NALCN: variants seen among roughly 807,000 people sequenced by gnomAD.
NALCN encodes the protein sodium leak channel, non-selective.
NALCN carries 111 observed loss-of-function variants against 225.3 expected under a neutral mutation model. The observed-to-expected ratio is 0.49, with a 90% CI of 0.42 to 0.58. The LOEUF is 0.58. Among genes scored for constraint, NALCN ranks in the 20% least tolerant of loss-of-function variants. The pLI is 0.00. For missense variants in NALCN, 1,378 were observed against 2,202.4 expected, an observed-to-expected ratio of 0.63 and a Z score of 7.49; for synonymous variants, 764 against 769.0, an observed-to-expected ratio of 0.99 and a Z score of 0.11.
intron 15 of NALCN, among the ~76,000 whole-genome samples, chr13:101,161,943 C>T (rs2038205791): frequency 6.6e-6 from 1 of 152,126 alleles, no homozygotes; most frequent in Admixed American, 6.6e-5. Flanking sequence ...ATGGTTCATG[C>T]CCTGCTGACT....
chr13:101,104,791 T>C lies in NALCN; in HGVS notation c.2636+103A>G. On this transcript the variant is annotated intron_variant, in intron 23 of 43. Coordinates refer to ENST00000251127, the MANE Select transcript of NALCN (RefSeq NM_052867.4). The surrounding 1 kb of genome is among the most constrained non-coding windows in gnomAD (Gnocchi z 4.2). ...TCCCCAATCATCTATTTCATAGCAC[T>C]ATATAGCAAGAAAATAAAAGAGAAT... The C allele has an allele frequency of 1.3e-6, 2 of 1,551,276 alleles. No individual in the cohort carries two copies. Among genetic ancestry groups the C allele is most frequent in the Non-Finnish European group, 1.8e-6 (2 of 1,128,934 alleles).
At chr13:101,148,659 C>A (rs1178004460) in intron 15 of NALCN, among the ~76,000 whole-genome samples, 6 of 152,178 alleles carry the variant, frequency 3.9e-5, no homozygotes, top group Non-Finnish European at 8.8e-5. Context: ...CAGGGCTCTG[C>A]TCATTATTCC....
chr13:101,176,750 T>C (rs2038974560), intron 14 of NALCN, among the ~76,000 whole-genome samples: 1 of 152,196 alleles, frequency 6.6e-6, no homozygotes, highest in African/African-American at 2.4e-5. Flanking sequence ...AATAAGGAAA[T>C]ATTAGAAATA....
chr13:101,355,617 A>G (rs148675351), intron 6 of NALCN, among the ~76,000 whole-genome samples: 8 of 152,264 alleles, frequency 5.3e-5, no homozygotes, highest in Admixed American at 5.2e-4. Context: ...TTAACACCCC[A>G]CTGTCAATAT....
intron 15 of NALCN, among the ~76,000 whole-genome samples, chr13:101,150,550 G>A (rs2037597149): frequency 6.6e-6 from 1 of 152,180 alleles, no homozygotes; most frequent in African/African-American, 2.4e-5. Context: ...GACAGGGTGT[G>A]TGTTGGTGGT....
intron 7 of NALCN, among the ~76,000 whole-genome samples, chr13:101,295,717 C>T (rs1046070541): frequency 2.0e-5 from 3 of 152,098 alleles, no homozygotes; most frequent in South Asian, 2.1e-4. Flanking sequence ...AAGACGCTGA[C>T]GATGGAAAGA....
chr13:101,274,807 T>C (rs1176863739), intron 10 of NALCN, among the ~76,000 whole-genome samples: 1 of 152,116 alleles, frequency 6.6e-6, no homozygotes, highest in Non-Finnish European at 1.5e-5. Context: ...AATAAACTTC[T>C]CAAGTCCTAT....
chr13:101,156,807 G>A (rs377414336), intron 15 of NALCN, among the ~76,000 whole-genome samples: 12 of 152,108 alleles, frequency 7.9e-5, no homozygotes, highest in Non-Finnish European at 1.5e-4. Flanking sequence ...TGGAAAATAC[G>A]TACTTTGGAA....
intron 11 of NALCN, among the ~76,000 whole-genome samples, chr13:101,257,909 A>T (rs2042292530): frequency 6.6e-6 from 1 of 152,208 alleles, no homozygotes; most frequent in Admixed American, 6.5e-5. Flanking sequence ...CCAAAACTGT[A>T]ATATGATATG....
chr13:101,310,755 A>G (rs2044313781), intron 7 of NALCN, among the ~76,000 whole-genome samples: 1 of 152,294 alleles, frequency 6.6e-6, no homozygotes, highest in African/African-American at 2.4e-5. Flanking sequence ...ACTATTTTTG[A>G]ATATTGAATG....
At chr13:101,064,431 G>T (rs2032202127) in intron 40 of NALCN, among the ~76,000 whole-genome samples, 1 of 152,164 alleles carries the variant, frequency 6.6e-6, no homozygotes, top group Non-Finnish European at 1.5e-5. Context: ...CAGAACGTAA[G>T]GTTATTTGGA....
At chr13:101,148,404 C>T (rs1272960889) in intron 15 of NALCN, among the ~76,000 whole-genome samples, 1 of 152,122 alleles carries the variant, frequency 6.6e-6, no homozygotes, top group Non-Finnish European at 1.5e-5. Flanking sequence ...AATCTGAATC[C>T]CCCTCTCCTT....
At chr13:101,219,766 G>A (rs1238376446) in intron 13 of NALCN, among the ~76,000 whole-genome samples, 1 of 152,122 alleles carries the variant, frequency 6.6e-6, no homozygotes, top group Non-Finnish European at 1.5e-5. Context: ...ACACTTTCTA[G>A]TGTGTTTGCT....
chr13:101,312,791 A>C lies in NALCN; in HGVS notation c.800-20425T>G, dbSNP rs2044396978. Among the ~76,000 whole-genome samples, 5 of 152,158 alleles carry C rather than the reference A, an allele frequency of 3.3e-5. No individual in the cohort carries two copies. In the South Asian group the frequency reaches 1.0e-3, roughly 32 times the overall value. On this transcript the variant is annotated intron_variant, in intron 7 of 43. Transcript: ENST00000251127. ...GTGCTTTACTTCCAACTATGTGGTC[A>C]AGCTACCAATGACTTTCTTCACAGA...
chr13:101,377,842 A>C (rs957923080), intron 4 of NALCN, among the ~76,000 whole-genome samples: 6 of 151,864 alleles, frequency 4.0e-5, no homozygotes, highest in African/African-American at 1.4e-4. Flanking sequence ...GATCAAATCA[A>C]ATCAATAGAA....
intron 12 of NALCN, among the ~76,000 whole-genome samples, chr13:101,231,680 TAA>T (rs1028152862): frequency 2.0e-5 from 3 of 152,222 alleles, no homozygotes; most frequent in Non-Finnish European, 4.4e-5. Context: ...TTGATGTCAA[TAA>T]GAGATTGAGT....
At chr13:101,369,005 CA>C (rs1396758351) in intron 6 of NALCN, 9 of 361,888 alleles carry the variant, frequency 2.5e-5, no homozygotes, top group South Asian at 6.4e-5. Flanking sequence ...GAGTCTGTCT[CA>C]AAAAAACAAC....
At position 101,258,461 on chromosome 13, in the gene NALCN, G is replaced by A. The variant is rs767226604; in HGVS notation, c.1248C>T (p.Asp416=). Reference sequence around the variant, plus strand: ...TGCTTACCTCCGCCAGGTAGAACTCGTCGTACTGCCTCCTGAAGTTTTCTC... The same window carrying A: ...TGCTTACCTCCGCCAGGTAGAACTCATCGTACTGCCTCCTGAAGTTTTCTC... ...YKGENFRRQY[D]EFYLAEVAFT... is the part of the protein sequence containing the mutation. The change falls in exon 11 of 44, where the codon GAC becomes GAT. Residue 416 remains aspartate (D), a synonymous_variant. Transcript: ENST00000251127. 24 of 1,613,986 alleles carry A rather than the reference G, an allele frequency of 1.5e-5. 1 individual carries two copies. Among genetic ancestry groups the A allele is most frequent in the South Asian group, 4.4e-5 (4 of 91,060 alleles).
intron 13 of NALCN, among the ~76,000 whole-genome samples, chr13:101,223,369 A>C (rs2041019767): frequency 6.6e-6 from 1 of 152,160 alleles, no homozygotes; most frequent in South Asian, 2.1e-4. Context: ...ATATACCCCC[A>C]GTAAAAAGGG....
Sources: gnomAD v4.1 joint callset for allele counts (sites outside exome capture counted in the v4.1 genomes callset) on GRCh38, gnomAD v4.1.1 for gene constraint, Gnocchi (gnomAD v3.1) non-coding constraint, MANE v1.5 for transcripts, NCBI Gene and HGNC (gene_info 2026-07-23, HGNC 2026-07-21) for gene names.